The following PCNX1 variants were observed in gnomAD, a reference collection of about 807,000 sequenced individuals.
PCNX1 encodes the protein pecanex-like protein 1.
A neutral mutation model predicts 242.2 loss-of-function variants in PCNX1; 78 were observed. The ratio of observed to expected loss-of-function variants is 0.32; its 90% CI spans 0.27 to 0.39. PCNX1 has a LOEUF of 0.39. Among genes scored for constraint, PCNX1 ranks in the 10% least tolerant of loss-of-function variants. The pLI is 1.00. For missense variants in PCNX1, 2,581 were observed against 2,856.5 expected (o/e 0.90, Z 2.20); for synonymous variants, 1,024 against 1,032.9 (o/e 0.99, Z 0.17).
chr14:70,920,630 C>G (rs2056340745), intron 1 of PCNX1, among the ~76,000 whole-genome samples: 2 of 151,822 alleles, frequency 1.3e-5, no homozygotes, highest in Non-Finnish European at 2.9e-5. Context: ...GAAATAATTC[C>G]AAGATGAAAA....
intron 2 of PCNX1, among the ~76,000 whole-genome samples, chr14:70,958,937 G>A (rs1330503578): frequency 7.6e-6 from 1 of 131,758 alleles, no homozygotes; most frequent in Non-Finnish European, 1.6e-5. Flanking sequence ...ATAATCAGGA[G>A]GTTGAATTGG....
In PCNX1 at chr14:70,977,508, C is replaced by G. The variant is rs1372991588; in HGVS notation, c.1171C>G (p.Arg391Gly). 6.2e-7 allele frequency: 1 copy of G among 1,614,076 alleles called. No individual in the cohort carries two copies. The highest frequency in any genetic ancestry group is 8.5e-7 in the Non-Finnish European group (1 of 1,180,008). ...AGAAAGCTACTGCAGTGGAACGGAC[C>G]GGGACACTAACAGTACTGTCAGCAG... is the stretch of plus-strand genomic sequence containing the variant. ...STESYCSGTD[R>G]DTNSTVSSYK... is the part of the protein sequence containing the mutation. The change falls in exon 6 of 36, where the codon CGG becomes GGG. Residue 391 changes from arginine to glycine, a missense_variant. Arg to Gly is a moderately radical substitution (Grantham distance 125, BLOSUM62 -2). Around this residue, in one of 9 missense-constraint regions of PCNX1, gnomAD observed 1,204 missense variants for 1,216.7 expected, o/e 0.99. Transcript: ENST00000304743.
intron 32 of PCNX1, among the ~76,000 whole-genome samples, chr14:71,104,922 C>T (rs1487238848): frequency 7.0e-6 from 1 of 142,878 alleles, no homozygotes; most frequent in Non-Finnish European, 1.5e-5. Context: ...GACTCCGTCT[C>T]AAAAAAAAAA....
At chr14:71,070,085 A>G (rs1422985951) in intron 26 of PCNX1, among the ~76,000 whole-genome samples, 4 of 152,180 alleles carry the variant, frequency 2.6e-5, no homozygotes, top group African/African-American at 9.7e-5. Context: ...CTTAGGAGTC[A>G]ATTTCTTCTC....
intron 1 of PCNX1, among the ~76,000 whole-genome samples, chr14:70,908,435 C>T (rs1392565388): frequency 1.3e-5 from 2 of 152,124 alleles, no homozygotes; most frequent in African/African-American, 2.4e-5. Context: ...ACTGCCCGCC[C>T]CCGCCGCGGC....
rs754950719 is a variant in PCNX1, at chr14:71,047,892, A to G, written c.4246A>G (p.Ile1416Val). 9 of 1,613,386 alleles carry G rather than the reference A, an allele frequency of 5.6e-6. No individual in the cohort carries two copies. The South Asian group carries it at 8.8e-5, about 16-fold the overall frequency. ...SSPTYQYVTV[I>V]FTVLFFKFDY... ...CCCTACATATCAGTATGTTACAGTC[A>G]TCTTTACTGTGCTGTTTTTCAAATT... Residue 1416 changes from isoleucine to valine, a missense_variant, in exon 22 of 36, where the codon ATC becomes GTC. Ile to Val is a conservative substitution (Grantham distance 29, BLOSUM62 3). Around this residue, in one of 9 missense-constraint regions of PCNX1, gnomAD observed 432 missense variants for 443.1 expected, o/e 0.97. Coordinates refer to ENST00000304743, the MANE Select transcript of PCNX1 (RefSeq NM_014982.3).
intron 6 of PCNX1, among the ~76,000 whole-genome samples, chr14:70,979,965 T>C (rs534598707): frequency 3.4e-4 from 50 of 148,088 alleles, no homozygotes; most frequent in South Asian, 2.5e-3. Flanking sequence ...AGTTCTCTCT[T>C]TTTTTTTTTT....
intron 8 of PCNX1, among the ~76,000 whole-genome samples, chr14:71,008,945 T>C (rs2059745736): frequency 6.6e-6 from 1 of 152,152 alleles, no homozygotes; most frequent in Non-Finnish European, 1.5e-5. Flanking sequence ...ATAAAGTTCA[T>C]CTTAAGAGAA....
chr14:70,964,102 T>C (rs1317613211), intron 3 of PCNX1, among the ~76,000 whole-genome samples: 1 of 152,226 alleles, frequency 6.6e-6, no homozygotes, highest in East Asian at 1.9e-4. Context: ...AATCTTGCTC[T>C]GTCATCCAGG....
At chr14:70,986,636 C>T (rs1048404796) in intron 6 of PCNX1, among the ~76,000 whole-genome samples, 5 of 152,142 alleles carry the variant, frequency 3.3e-5, no homozygotes, top group South Asian at 2.1e-4. Flanking sequence ...TGTATGATTA[C>T]GTACTGCTTT....
chr14:71,093,547 T>TC (rs2062192878), intron 30 of PCNX1: 1 of 152,254 alleles, frequency 6.6e-6, no homozygotes, highest in South Asian at 2.1e-4. Flanking sequence ...GATTTTGACT[T>TC]CTTTTACAGT....
At chr14:70,927,441 A>G (rs1566576604) in intron 1 of PCNX1, among the ~76,000 whole-genome samples, 4 of 152,196 alleles carry the variant, frequency 2.6e-5, no homozygotes. Flanking sequence ...ATGCAATAGT[A>G]TCATTCTGTT....
intron 1 of PCNX1, among the ~76,000 whole-genome samples, chr14:70,913,333 G>C (rs972929830): frequency 2.0e-5 from 3 of 152,156 alleles, no homozygotes; most frequent in African/African-American, 7.2e-5. Context: ...TGGTGGAGCT[G>C]CTTACTTAGG....
rs2059820404 is a variant in PCNX1 at position 71,011,503 on chromosome 14, C to A, written c.2732C>A (p.Ser911Tyr). The change falls in exon 10 of 36, where the codon TCT becomes TAT. Residue 911 changes from serine (S) to tyrosine (Y), a missense_variant. By Grantham distance (144) the Ser-to-Tyr change is moderately radical. This residue lies in a region of PCNX1 where 1,204 missense variants were observed against 1,216.7 expected (regional missense o/e 0.99). Coordinates refer to ENST00000304743, the MANE Select transcript of PCNX1 (RefSeq NM_014982.3). ...RRASNICDTD[S>Y]HVSSSTSVRF... ...TTATTTTATTTTAGTGACACAGATT[C>A]TCATGTATCCAGTTCTACCTCAGTT... The A allele has an allele frequency of 6.4e-7, 1 of 1,563,874 alleles. No homozygotes were observed. Among genetic ancestry groups the A allele is most frequent in the African/African-American group, 1.4e-5 (1 of 73,796 alleles).
At chr14:71,099,515 T>C (rs1242439044) in intron 30 of PCNX1, among the ~76,000 whole-genome samples, 1 of 151,636 alleles carries the variant, frequency 6.6e-6, no homozygotes, top group Non-Finnish European at 1.5e-5. Flanking sequence ...TGGTCGATCA[T>C]AGGGTATGTT....
intron 27 of PCNX1, among the ~76,000 whole-genome samples, chr14:71,074,617 G>A (rs964417278): frequency 6.6e-6 from 1 of 152,124 alleles, no homozygotes; most frequent in Non-Finnish European, 1.5e-5. Flanking sequence ...AAGCTTGCTC[G>A]AGCTTGGTGT....
chr14:70,930,787 TC>T (rs1026368530), intron 1 of PCNX1, among the ~76,000 whole-genome samples: 3 of 152,018 alleles, frequency 2.0e-5, no homozygotes, highest in African/African-American at 7.2e-5. Flanking sequence ...TTTTTTTTTT[TC>T]CTTTGGGAAA....
intron 2 of PCNX1, among the ~76,000 whole-genome samples, chr14:70,949,336 C>T (rs1434710733): frequency 1.4e-5 from 2 of 139,626 alleles, no homozygotes; most frequent in Non-Finnish European, 3.1e-5. Context: ...TATACACGCA[C>T]GTGCATACAC....
At chr14:70,970,088 G>A (rs2058496328) in intron 5 of PCNX1, 1 of 152,072 alleles carries the variant, frequency 6.6e-6, no homozygotes, top group East Asian at 1.9e-4. Flanking sequence ...AACTGGCTGT[G>A]GTGGCTGATG....
Sources: gnomAD v4.1 joint callset for allele counts (sites outside exome capture counted in the v4.1 genomes callset) on GRCh38, gnomAD v4.1.1 for gene constraint, gnomAD v4.1.1 regional missense constraint, MANE v1.5 for transcripts, NCBI Gene and HGNC (gene_info 2026-07-23, HGNC 2026-07-21) for gene names.